Variants in AHCTF1 observed in about 807,000 individuals in gnomAD.
AHCTF1 encodes protein ELYS.
A neutral mutation model predicts 248.4 loss-of-function variants in AHCTF1; 24 were observed. The observed-to-expected ratio is 0.10, with a 90% CI of 0.07 to 0.14. The LOEUF is 0.14. Among genes scored for constraint, AHCTF1 ranks in the 10% least tolerant of loss-of-function variants. The probability of loss-of-function intolerance (pLI) is 1.00; values close to 1 mark genes in which losing one functional copy is unlikely to be tolerated. For missense variants in AHCTF1, 2,206 were observed against 2,636.2 expected (o/e 0.84, Z 3.57); for synonymous variants, 786 against 929.8 (o/e 0.85, Z 2.81).
At chr1:246,876,293 C>A in intron 23 of AHCTF1, 106 bp from the exon 24 acceptor site, 1 of 992,260 alleles carries the variant, frequency 1.0e-6, no homozygotes. Flanking sequence ...AAAAATCTTC[C>A]CCCTACCTAC....
At chr1:246,854,491 C>T (rs1349928276) in intron 31 of AHCTF1, among the ~76,000 whole-genome samples, 1 of 152,094 alleles carries the variant, frequency 6.6e-6, no homozygotes, top group Admixed American at 6.6e-5. Flanking sequence ...CATGTAACAT[C>T]TACACTACAA....
chr1:246,861,670 G>A (rs574922326), intron 28 of AHCTF1, among the ~76,000 whole-genome samples: 1 of 152,256 alleles, frequency 6.6e-6, no homozygotes, highest in East Asian at 1.9e-4. Context: ...CTAAAAATTA[G>A]GAGGTTTGAA....
At chr1:246,902,352 C>T (rs1665063305) in intron 8 of AHCTF1, among the ~76,000 whole-genome samples, 173 bp downstream of exon 8, 1 of 152,118 alleles carries the variant, frequency 6.6e-6, no homozygotes, top group Non-Finnish European at 1.5e-5. Flanking sequence ...TTTAGTTATA[C>T]ATAGCAATCT....
intron 21 of AHCTF1, among the ~76,000 whole-genome samples, chr1:246,883,656 G>A (rs1302652019): frequency 1.3e-5 from 2 of 152,088 alleles, no homozygotes; most frequent in Non-Finnish European, 2.9e-5. Flanking sequence ...CTATTTACAG[G>A]ACTAGTAATT....
chr1:246,894,826 T>C (rs1470474865), intron 13 of AHCTF1, 78 bp from the exon 14 acceptor site: 35 of 1,236,578 alleles, frequency 2.8e-5, no homozygotes, highest in Non-Finnish European at 3.9e-5. Context: ...TGGAGAAGCA[T>C]GGCAGACAGC....
intron 3 of AHCTF1, among the ~76,000 whole-genome samples, chr1:246,914,712 A>G (rs1316853246): frequency 1.3e-5 from 2 of 152,176 alleles, no homozygotes; most frequent in Admixed American, 1.3e-4. Flanking sequence ...AGTAGGTTGA[A>G]CTTTTGAAAG....
intron 21 of AHCTF1, among the ~76,000 whole-genome samples, chr1:246,884,362 T>A (rs1663664195): frequency 6.6e-6 from 1 of 152,162 alleles, no homozygotes. Flanking sequence ...GATCTTACCC[T>A]CTTATCCGTA....
At chr1:246,904,982 T>A (rs561847294) in intron 6 of AHCTF1, among the ~76,000 whole-genome samples, 22 of 152,316 alleles carry the variant, frequency 1.4e-4, no homozygotes, top group Non-Finnish European at 4.4e-5. Flanking sequence ...AGCAGGGTAC[T>A]TAGAAGGTTC....
At chr1:246,886,143 C>G (rs150088180) in intron 20 of AHCTF1, among the ~76,000 whole-genome samples, 132 of 152,198 alleles carry the variant, frequency 8.7e-4, no homozygotes, top group African/African-American at 3.0e-3. Flanking sequence ...CCAGCCTGGT[C>G]AACATGGTGA....
chr1:246,928,049 G>C (rs1185987945), intron 1 of AHCTF1, among the ~76,000 whole-genome samples: 2 of 151,686 alleles, frequency 1.3e-5, no homozygotes, highest in African/African-American at 4.8e-5. Flanking sequence ...CGGGTGCGGT[G>C]GCTCACGCCT....
At chr1:246,870,976 A>G (rs1394246325) in intron 24 of AHCTF1, among the ~76,000 whole-genome samples, 1 of 152,202 alleles carries the variant, frequency 6.6e-6, no homozygotes, top group East Asian at 1.9e-4. Context: ...GAAAAACTAA[A>G]AACAACCAAG....
chr1:246,889,770 T>C (rs531091423), intron 17 of AHCTF1, among the ~76,000 whole-genome samples, 196 bp downstream of exon 17: 2 of 152,336 alleles, frequency 1.3e-5, no homozygotes, highest in Admixed American at 6.5e-5. Context: ...TCTATTACCT[T>C]TACTTCATTT....
At chr1:246,883,249 T>C (rs139301849) in intron 21 of AHCTF1, among the ~76,000 whole-genome samples, 57 of 152,200 alleles carry the variant, frequency 3.7e-4, no homozygotes, top group Non-Finnish European at 7.8e-4. Flanking sequence ...TGTTGGACTA[T>C]TATGCAGCTT....
chr1:246,887,174 A>G, intron 20 of AHCTF1, 37 bp downstream of exon 20: 2 of 1,559,598 alleles, frequency 1.3e-6, no homozygotes, highest in East Asian at 2.3e-5. Flanking sequence ...AATTCTAGTA[A>G]TTCATGAAAG....
chr1:246,902,715 G>A, intron 7 of AHCTF1, 40 bp from the exon 8 acceptor site: 5 of 1,494,514 alleles, frequency 3.3e-6, no homozygotes, highest in South Asian at 1.4e-5. Flanking sequence ...TCTGATTCTA[G>A]GCAAAAAGTC....
intron 14 of AHCTF1, 24 bp downstream of exon 14, chr1:246,894,635 T>C: frequency 6.4e-7 from 1 of 1,561,214 alleles, no homozygotes; most frequent in East Asian, 2.2e-5. Context: ...AATTCTGTCC[T>C]ACATCTAGAC....
rs116104791 is a variant in AHCTF1, at chr1:246,890,053, G to C, written c.2057C>G (p.Ser686Cys). The change falls in exon 17 of 36, where the codon TCT becomes TGT. Residue 686 changes from serine to cysteine, a missense_variant. Around this residue, in one of 6 missense-constraint regions of AHCTF1, gnomAD observed 650 missense variants for 870.8 expected, o/e 0.75. Transcript: ENST00000648844. ...GTAGCATAACCTTGACAACTGCACA[G>C]AATCATCTAGATTTTTAAGAGTTGG... ...SGLLPEGIDD[S>C]VQLSRLCYNY... 5,407 of 1,607,938 alleles carry C rather than the reference G, an allele frequency of 3.4e-3. 13 individuals are homozygous for C. The highest frequency in any genetic ancestry group is 4.5e-3 in the Middle Eastern group (27 of 6,008).
chr1:246,853,538 T>G (rs896392940), intron 31 of AHCTF1, among the ~76,000 whole-genome samples: 3 of 152,216 alleles, frequency 2.0e-5, no homozygotes, highest in Non-Finnish European at 4.4e-5. Flanking sequence ...GAAACATTAA[T>G]ATGACGACCA....
chr1:246,842,589 AT>A lies in AHCTF1; in HGVS notation c.6608+104del, dbSNP rs1264527303. 7.7e-5 allele frequency: 69 copies of A among 890,596 alleles called. No homozygotes were observed. In the African/African-American group the frequency reaches 9.9e-4, roughly 13 times the overall value. 55.2% of individuals were successfully genotyped at this position (890,596 alleles called of 1,614,324 possible). On this transcript the variant is annotated intron_variant, in intron 35 of 35. Coordinates refer to ENST00000648844, the MANE Select transcript of AHCTF1 (RefSeq NM_001323342.2). Reference sequence around the variant, plus strand: ...AGACCGAGACTCTGTCTCAAAAAAAATAAATAAAAATAAAATAAAATAATAA... The same window carrying A: ...AGACCGAGACTCTGTCTCAAAAAAAAAAATAAAAATAAAATAAAATAATAA...
Sources: allele counts gnomAD v4.1 joint callset (sites outside exome capture counted in the v4.1 genomes callset), GRCh38; gene constraint gnomAD v4.1.1; regional missense constraint gnomAD v4.1.1; transcripts MANE v1.5; gene names NCBI Gene and HGNC (gene_info 2026-07-23, HGNC 2026-07-21).